PPP5C: variants seen among roughly 807,000 people sequenced by gnomAD.
The protein encoded by PPP5C is protein phosphatase 5 catalytic subunit, also known as serine/threonine-protein phosphatase 5.
Under a neutral mutation model 66.7 loss-of-function variants are expected in PPP5C, and 21 were observed. That is an observed-to-expected ratio of 0.31 (90% CI 0.22 to 0.45). PPP5C has a LOEUF of 0.45. Among genes scored for constraint, PPP5C ranks in the 20% least tolerant of loss-of-function variants. The probability of loss-of-function intolerance (pLI) is 1.00; values close to 1 mark genes in which losing one functional copy is unlikely to be tolerated. For missense variants in PPP5C, 464 were observed against 675.9 expected, an observed-to-expected ratio of 0.69 and a Z score of 3.48; for synonymous variants, 246 against 257.4, an observed-to-expected ratio of 0.96 and a Z score of 0.43.
Position 46,387,071 on chromosome 19 carries a change from C to T in PPP5C, c.905-22C>T, listed in dbSNP as rs1393746685. 4 of 1,614,158 alleles carry T rather than the reference C, an allele frequency of 2.5e-6. No individual in the cohort carries two copies. The Admixed American group carries it at 5.0e-5, about 20-fold the overall frequency. ...GATGTACCTGGAGGCTGAGCTTTCT[C>T]TTCTGTCCCCGTGTTGGCCAGGCAA... is the stretch of plus-strand genomic sequence containing the variant. On this transcript the variant is annotated intron_variant, in intron 7 of 12. Coordinates refer to ENST00000012443, the MANE Select transcript of PPP5C (RefSeq NM_006247.4).
chr19:46,357,106 G>A (rs1445837655), intron 2 of PPP5C, among the ~76,000 whole-genome samples: 1 of 152,166 alleles, frequency 6.6e-6, no homozygotes, highest in African/African-American at 2.4e-5. Context: ...GAGTGCAGTG[G>A]CACAAATCTT....
chr19:46,351,688 T>A (rs982758250), intron 1 of PPP5C, among the ~76,000 whole-genome samples: 11 of 152,240 alleles, frequency 7.2e-5, no homozygotes, highest in African/African-American at 2.7e-4. Flanking sequence ...GGCGCTGGCA[T>A]TCCAGGGAGG....
At chr19:46,361,642 G>T (rs1465574484) in intron 2 of PPP5C, among the ~76,000 whole-genome samples, 2 of 145,268 alleles carry the variant, frequency 1.4e-5, no homozygotes, top group Non-Finnish European at 1.5e-5. Flanking sequence ...GCATGTGCCT[G>T]TAGTCCCACC....
Position 46,383,983 on chromosome 19 carries a change from G to T in PPP5C, c.798+105G>T. Reference sequence around the variant, plus strand: ...CCTTGCCAGGAAAAGACGTGACCTTGGAAAGGAGAGGCCTGGCCATGCTGG... The same window carrying T: ...CCTTGCCAGGAAAAGACGTGACCTTTGAAAGGAGAGGCCTGGCCATGCTGG... On this transcript the variant is annotated intron_variant, in intron 6 of 12. Transcript: ENST00000012443. This position sits in a 1 kb window ranked among gnomAD's most constrained non-coding sequence, Gnocchi z 5.0. 1.0e-6 allele frequency: 1 copy of T among 960,274 alleles called. No homozygotes were observed. Among genetic ancestry groups the T allele is most frequent in the Admixed American group, 2.0e-5 (1 of 51,068 alleles). The allele number at this position is 960,274 out of a possible 1,614,324, so 59.5% of individuals were successfully genotyped here. A position where few individuals can be genotyped will look rare whatever the true frequency, so the allele number is the denominator to read the frequency against.
chr19:46,385,049 G>T, intron 7 of PPP5C, 140 bp downstream of exon 7: 1 of 652,608 alleles, frequency 1.5e-6, no homozygotes, highest in South Asian at 1.7e-5. Flanking sequence ...GATTGAGTAT[G>T]TAGTGCACTG....
chr19:46,377,615 T>A (rs1347385570), intron 4 of PPP5C, among the ~76,000 whole-genome samples: 3 of 152,218 alleles, frequency 2.0e-5, no homozygotes, highest in Admixed American at 2.0e-4. Context: ...ACAGAACATT[T>A]CCATCAACCA....
intron 2 of PPP5C, among the ~76,000 whole-genome samples, chr19:46,368,034 G>T (rs1427656972): frequency 1.3e-5 from 2 of 152,182 alleles, no homozygotes; most frequent in Non-Finnish European, 2.9e-5. Context: ...TGGAGTAAGG[G>T]CCATTATGGT....
intron 2 of PPP5C, among the ~76,000 whole-genome samples, chr19:46,355,567 G>T (rs1017300792): frequency 6.6e-6 from 1 of 151,994 alleles, no homozygotes; most frequent in African/African-American, 2.4e-5. Flanking sequence ...CGGGGGGTTA[G>T]GGCGACACCT....
chr19:46,382,250 C>G (rs1294192833), intron 4 of PPP5C: 2 of 152,228 alleles, frequency 1.3e-5, no homozygotes, highest in Non-Finnish European at 1.5e-5. Flanking sequence ...GCAGGGCATC[C>G]CGCCCTGCTG....
intron 1 of PPP5C, among the ~76,000 whole-genome samples, chr19:46,347,787 A>C (rs1263021628): frequency 6.6e-6 from 1 of 152,062 alleles, no homozygotes; most frequent in East Asian, 1.9e-4. Flanking sequence ...ATTGAGAGTC[A>C]AGTGTGGGGC....
chr19:46,381,071 C>G (rs1972782772), intron 4 of PPP5C, among the ~76,000 whole-genome samples: 1 of 152,158 alleles, frequency 6.6e-6, no homozygotes, highest in Admixed American at 6.5e-5. Flanking sequence ...GATTTTTCCT[C>G]TATGTATTTC....
rs1218908445 is a variant in PPP5C at position 46,353,867 on chromosome 19, G to A, written c.241G>A (p.Ala81Thr). The A allele has an allele frequency of 6.2e-7, 1 of 1,609,588 alleles. No individual in the cohort carries two copies. The highest frequency in any genetic ancestry group is 8.5e-7 in the Non-Finnish European group (1 of 1,178,166). Reference sequence around the variant, plus strand: ...CCTGCGCACTGAGTGCTATGGCTACGCGCTGGGAGACGCCACGCGGGCCAT... The same window carrying A: ...CCTGCGCACTGAGTGCTATGGCTACACGCTGGGAGACGCCACGCGGGCCAT... ...AYLRTECYGY[A>T]LGDATRAIEL... The change falls in exon 2 of 13, where the codon GCG (alanine) becomes ACG (threonine). Residue 81 changes from alanine to threonine, a missense_variant. Physicochemically the swap from Ala to Thr is moderately conservative, Grantham distance 58. Coordinates refer to ENST00000012443, the MANE Select transcript of PPP5C (RefSeq NM_006247.4).
chr19:46,383,377 C>A lies in PPP5C; in HGVS notation c.634-34C>A. On this transcript the variant is annotated intron_variant, in intron 4 of 12. Coordinates refer to ENST00000012443, the MANE Select transcript of PPP5C (RefSeq NM_006247.4). The surrounding 1 kb of genome is among the most constrained non-coding windows in gnomAD (Gnocchi z 5.0). ...GGGCCAGGTTGGGCAGCAGCCCCTGCAGCCGGTCCCACTGAGTCTGCCCTG... is the reference window on the plus strand; with the variant it reads ...GGGCCAGGTTGGGCAGCAGCCCCTGAAGCCGGTCCCACTGAGTCTGCCCTG... 6.2e-7 allele frequency: 1 copy of A among 1,601,128 alleles called. No homozygotes were observed. Among genetic ancestry groups the A allele is most frequent in the Non-Finnish European group, 8.5e-7 (1 of 1,174,126 alleles).
In PPP5C at chr19:46,390,295, C is replaced by A. The variant is rs776682862; in HGVS notation, c.1449C>A (p.Asn483Lys). The A allele has an allele frequency of 6.3e-7, 1 of 1,592,066 alleles. No individual in the cohort carries two copies. Among genetic ancestry groups the A allele is most frequent in the East Asian group, 2.3e-5 (1 of 43,770 alleles). The change falls in exon 13 of 13, where the codon AAC becomes AAA. Residue 483 changes from asparagine (N) to lysine (K), a missense_variant. Asn to Lys is a moderately conservative substitution (Grantham distance 94). Coordinates refer to ENST00000012443, the MANE Select transcript of PPP5C (RefSeq NM_006247.4). The stretch of plus-strand genomic sequence containing the variant: ...CCCTGGTCCCACAGCCTCATCCCAA[C>A]GTCAAGCCCATGGCCTATGCCAACA... ...FHQFTAVPHP[N>K]VKPMAYANTL... is the part of the protein sequence containing the mutation.
chr19:46,354,484 T>A (rs1217352835), intron 2 of PPP5C, among the ~76,000 whole-genome samples: 1 of 152,044 alleles, frequency 6.6e-6, no homozygotes, highest in Non-Finnish European at 1.5e-5. Context: ...CAGGTGAGGA[T>A]CTGCACTTTG....
At chr19:46,373,259 G>A (rs184115575) in intron 2 of PPP5C, among the ~76,000 whole-genome samples, 8 of 152,336 alleles carry the variant, frequency 5.3e-5, no homozygotes, top group Middle Eastern at 3.4e-3. Context: ...CCATCCCAGC[G>A]TGCATAGCGG....
rs2147400165 is a variant in PPP5C at position 46,383,993 on chromosome 19, G to A, written c.798+115G>A. ...AAAAGACGTGACCTTGGAAAGGAGAGGCCTGGCCATGCTGGGGCACCAAGG... is the reference window on the plus strand; with the variant it reads ...AAAAGACGTGACCTTGGAAAGGAGAAGCCTGGCCATGCTGGGGCACCAAGG... On this transcript the variant is annotated intron_variant, in intron 6 of 12. Coordinates refer to ENST00000012443, the MANE Select transcript of PPP5C (RefSeq NM_006247.4). This position sits in a 1 kb window ranked among gnomAD's most constrained non-coding sequence, Gnocchi z 5.0. 2.2e-6 allele frequency: 2 copies of A among 898,196 alleles called. No individual in the cohort carries two copies. Among genetic ancestry groups the A allele is most frequent in the East Asian group, 2.4e-5 (1 of 41,194 alleles). 55.6% of individuals were successfully genotyped at this position (898,196 alleles called of 1,614,324 possible).
At position 46,384,837 on chromosome 19, in the gene PPP5C, T is replaced by A; in HGVS notation, c.832T>A (p.Phe278Ile). 6.2e-7 allele frequency: 1 copy of A among 1,614,000 alleles called. No individual in the cohort carries two copies. Among genetic ancestry groups the A allele is most frequent in the Non-Finnish European group, 8.5e-7 (1 of 1,179,916 alleles). ...TGGTGACTTTGTGGACCGAGGCTCC[T>A]TCTCTGTAGAAGTGATCCTCACCCT... is the stretch of plus-strand genomic sequence containing the variant. ...FNGDFVDRGS[F>I]SVEVILTLFG... Residue 278 changes from phenylalanine (F) to isoleucine (I), a missense_variant, in exon 7 of 13, where the codon TTC (phenylalanine) becomes ATC (isoleucine). Coordinates refer to ENST00000012443, the MANE Select transcript of PPP5C (RefSeq NM_006247.4).
intron 4 of PPP5C, chr19:46,382,064 C>G (rs888333896): frequency 6.6e-6 from 1 of 152,202 alleles, no homozygotes; most frequent in African/African-American, 2.4e-5. Context: ...GTCTCGCCCC[C>G]ACTTCTGTAC....
Sources: gnomAD v4.1 joint callset for allele counts (sites outside exome capture counted in the v4.1 genomes callset) on GRCh38, gnomAD v4.1.1 for gene constraint, Gnocchi (gnomAD v3.1) non-coding constraint, MANE v1.5 for transcripts, NCBI Gene and HGNC (gene_info 2026-07-23, HGNC 2026-07-21) for gene names.